Variants in FBXO11 observed in about 807,000 individuals in gnomAD.
FBXO11 encodes the protein F-box only protein 11.
A neutral mutation model predicts 117.0 loss-of-function variants in FBXO11; 13 were observed. That is an observed-to-expected ratio of 0.11 (90% CI 0.07 to 0.18). The LOEUF (loss-of-function observed/expected upper bound fraction) is 0.18. Among genes scored for constraint, FBXO11 ranks in the 10% least tolerant of loss-of-function variants. The probability of loss-of-function intolerance (pLI) is 1.00; values close to 1 mark genes in which losing one functional copy is unlikely to be tolerated. For synonymous variants in FBXO11, 490 were observed against 380.5 expected, an observed-to-expected ratio of 1.29 and a Z score of -3.35; for missense variants, 767 against 1,164.4, an observed-to-expected ratio of 0.66 and a Z score of 4.97.
rs540802175 is a variant in FBXO11, at chr2:47,848,254, G to A, written c.233-8485C>T. On this transcript the variant is annotated intron_variant, in intron 1 of 22. Transcript: ENST00000403359. Reference sequence around the variant, plus strand: ...GGCCAGTTAGGAACTGGGCCACCCAGGAGGTGAGTGGTAGGCGACCAAGCA... The same window carrying A: ...GGCCAGTTAGGAACTGGGCCACCCAAGAGGTGAGTGGTAGGCGACCAAGCA... Among the ~76,000 whole-genome samples the A allele has an allele frequency of 5.3e-5, 8 of 152,342 alleles. No homozygotes were observed. In the South Asian group the frequency reaches 1.7e-3, roughly 32 times the overall value.
In FBXO11 at chr2:47,806,931, T is replaced by TTC; in HGVS notation, c.*1186_*1187insGA. 1 of 1,152,572 alleles carries TTC rather than the reference T, an allele frequency of 8.7e-7. No individual in the cohort carries two copies. The highest frequency in any genetic ancestry group is 1.3e-6 in the Non-Finnish European group (1 of 775,206). The allele number at this position is 1,152,572 out of a possible 1,614,324, so 71.4% of individuals were successfully genotyped here. A position where few individuals can be genotyped will look rare whatever the true frequency, so the allele number is the denominator to read the frequency against. ...AAATTCAGACAACATTATGATCTAA[T>TTC]AAACTTTATTTTTTAAAAATGACCA... On this transcript the variant is annotated 3_prime_UTR_variant, in exon 23 of 23. Transcript: ENST00000403359.
At chr2:47,828,715 A>C (rs1671950771) in intron 11 of FBXO11, among the ~76,000 whole-genome samples, 1 of 152,172 alleles carries the variant, frequency 6.6e-6, no homozygotes, top group Admixed American at 6.5e-5. Context: ...AAACTTCCAC[A>C]ACTCTAATCT....
At chr2:47,837,985 G>A (rs1672719456) in intron 4 of FBXO11, among the ~76,000 whole-genome samples, 1 of 151,738 alleles carries the variant, frequency 6.6e-6, no homozygotes, top group Non-Finnish European at 1.5e-5. Context: ...CAGCACTTTG[G>A]GCGGCCGAGG....
At chr2:47,810,281 T>C (rs370360253) in intron 19 of FBXO11, 35 bp downstream of exon 19, 115 of 1,384,992 alleles carry the variant, frequency 8.3e-5, no homozygotes, top group Non-Finnish European at 1.0e-4. Context: ...TGCAGAACTA[T>C]ATATAAGCCA....
intron 1 of FBXO11, among the ~76,000 whole-genome samples, chr2:47,881,688 T>C (rs2103907163): frequency 6.6e-6 from 1 of 152,336 alleles, no homozygotes; most frequent in African/African-American, 2.4e-5. Flanking sequence ...AGTTTGATCA[T>C]TTGTATATCA....
chr2:47,822,457 A>C (rs554847876), intron 12 of FBXO11, among the ~76,000 whole-genome samples, 154 bp from the exon 13 acceptor site: 223 of 152,378 alleles, frequency 1.5e-3, no homozygotes, highest in Non-Finnish European at 2.8e-3. Context: ...AGACTTTGGA[A>C]AAGTCAGACT....
At chr2:47,867,589 A>C (rs1675290379) in intron 1 of FBXO11, among the ~76,000 whole-genome samples, 1 of 152,246 alleles carries the variant, frequency 6.6e-6, no homozygotes, top group South Asian at 2.1e-4. Context: ...AAATGTTTTT[A>C]GTGATATAGA....
chr2:47,867,341 C>A (rs1572873449), intron 1 of FBXO11, among the ~76,000 whole-genome samples: 1 of 152,290 alleles, frequency 6.6e-6, no homozygotes, highest in East Asian at 1.9e-4. Context: ...TTTTGAAACA[C>A]TGCTAGTTGC....
At chr2:47,879,023 TC>T (rs1676231343) in intron 1 of FBXO11, among the ~76,000 whole-genome samples, 1 of 152,082 alleles carries the variant, frequency 6.6e-6, no homozygotes, top group South Asian at 2.1e-4. Context: ...TCAGTTCCTC[TC>T]CCCTTTCTCC....
chr2:47,892,685 A>C (rs1355918763), intron 1 of FBXO11, among the ~76,000 whole-genome samples: 1 of 152,222 alleles, frequency 6.6e-6, no homozygotes, highest in Non-Finnish European at 1.5e-5. Context: ...TGAGGTGCTT[A>C]AATTCTAGCA....
chr2:47,839,882 T>C, intron 1 of FBXO11, 113 bp from the exon 2 acceptor site: 4 of 868,366 alleles, frequency 4.6e-6, no homozygotes, highest in South Asian at 3.8e-5. Context: ...GTAAGTTTTA[T>C]ATGAAATTCC....
At chr2:47,872,499 T>G (rs956052257) in intron 1 of FBXO11, among the ~76,000 whole-genome samples, 2 of 152,158 alleles carry the variant, frequency 1.3e-5, no homozygotes, top group Admixed American at 6.5e-5. Context: ...AATTTTTGTA[T>G]TTTTAGGAGA....
rs11685908 is a variant in FBXO11 at position 47,905,152 on chromosome 2, T to A, written c.232+337A>T. 661 of 185,050 alleles carry A rather than the reference T, an allele frequency of 3.6e-3. 1 individual carries two copies. The highest frequency in any genetic ancestry group is 6.1e-3 in the Non-Finnish European group (550 of 90,204). 11.5% of individuals were successfully genotyped at this position (185,050 alleles called of 1,614,324 possible). On this transcript the variant is annotated intron_variant, in intron 1 of 22. Coordinates refer to ENST00000403359, the MANE Select transcript of FBXO11 (RefSeq NM_001190274.2). The stretch of plus-strand genomic sequence containing the variant: ...GCAGAAAAGGGAGAAATCACGCCGC[T>A]CGCCTTCCCCCCGGCCACCAACAGA...
intron 22 of FBXO11, 23 bp from the exon 23 acceptor site, chr2:47,808,270 T>C: frequency 6.2e-7 from 1 of 1,612,480 alleles, no homozygotes; most frequent in Non-Finnish European, 8.5e-7. Context: ...GAAACCCAAA[T>C]ATTAGAAAAG....
At position 47,900,683 on chromosome 2, in the gene FBXO11, TAC is replaced by T. The variant is rs1195128944; in HGVS notation, c.232+4804_232+4805del. ...ACACACGTACGTATATACACACGTA[TAC>T]ACACACGTATACACACACGTGTATA... On this transcript the variant is annotated intron_variant, in intron 1 of 22. Coordinates refer to ENST00000403359, the MANE Select transcript of FBXO11 (RefSeq NM_001190274.2). 7.0e-5 allele frequency among the ~76,000 whole-genome samples: 7 copies of T among 100,198 alleles called. 1 individual carries two copies. Among genetic ancestry groups the T allele is most frequent in the Admixed American group, 1.8e-4 (2 of 10,880 alleles). 65.7% of individuals were successfully genotyped at this position (100,198 alleles called of 152,430 possible).
intron 1 of FBXO11, among the ~76,000 whole-genome samples, chr2:47,855,064 AG>A (rs1233224541): frequency 6.6e-6 from 1 of 152,162 alleles, no homozygotes; most frequent in Non-Finnish European, 1.5e-5. Context: ...ACATGAAATC[AG>A]GAATCACTTT....
At chr2:47,885,497 C>T (rs924016177) in intron 1 of FBXO11, among the ~76,000 whole-genome samples, 1 of 151,996 alleles carries the variant, frequency 6.6e-6, no homozygotes, top group Non-Finnish European at 1.5e-5. Context: ...AACACTTGAA[C>T]CCAGGAGGTG....
At chr2:47,832,242 A>G (rs888448393) in intron 11 of FBXO11, 107 bp downstream of exon 11, 23 of 902,060 alleles carry the variant, frequency 2.5e-5, no homozygotes, top group Admixed American at 1.1e-4. Flanking sequence ...TTTTAAACCT[A>G]TACTCTTCAA....
At chr2:47,844,254 A>G (rs1673234255) in intron 1 of FBXO11, among the ~76,000 whole-genome samples, 1 of 151,864 alleles carries the variant, frequency 6.6e-6, no homozygotes, top group Non-Finnish European at 1.5e-5. Context: ...CCCTTCAATC[A>G]TTTCACTCAC....
Sources: gnomAD v4.1 joint callset for allele counts (sites outside exome capture counted in the v4.1 genomes callset) on GRCh38, gnomAD v4.1.1 for gene constraint, MANE v1.5 for transcripts, NCBI Gene and HGNC (gene_info 2026-07-23, HGNC 2026-07-21) for gene names.